HMGCLL1: variants seen among roughly 807,000 people sequenced by gnomAD.
HMGCLL1 encodes the protein 3-hydroxy-3-methylglutaryl-CoA lyase like 1, also known as 3-hydroxymethyl-3-methylglutaryl-CoA lyase, cytoplasmic.
Under a neutral mutation model 39.1 loss-of-function variants are expected in HMGCLL1, and 36 were observed. That is an observed-to-expected ratio of 0.92 (90% CI 0.71 to 1.22). The LOEUF (loss-of-function observed/expected upper bound fraction) is 1.22. Ranked by LOEUF, HMGCLL1 falls within the 50% of genes most tolerant of loss-of-function variation. The pLI is 0.00. For synonymous variants in HMGCLL1, 149 were observed against 144.0 expected, an observed-to-expected ratio of 1.03 and a Z score of -0.25; for missense variants, 451 against 416.5, an observed-to-expected ratio of 1.08 and a Z score of -0.72.
chr6:55,622,656 T>C, the HMGCLL1 span, among the ~76,000 whole-genome samples: 1 of 152,090 alleles, frequency 6.6e-6, no homozygotes. Context: ...TTAAATTTAG[T>C]TTGCTACTGT....
intron 1 of HMGCLL1, among the ~76,000 whole-genome samples, chr6:55,551,881 G>C (rs933729731): frequency 2.0e-5 from 3 of 151,990 alleles, no homozygotes; most frequent in Admixed American, 6.5e-5. Flanking sequence ...ATTCCAATTT[G>C]CTTGGGACAG....
At chr6:55,661,124 C>G in the HMGCLL1 span, among the ~76,000 whole-genome samples, 1 of 151,952 alleles carries the variant, frequency 6.6e-6, no homozygotes, top group East Asian at 1.9e-4. Flanking sequence ...AAACCTTAGT[C>G]AGATGCATAG....
the HMGCLL1 span, among the ~76,000 whole-genome samples, chr6:55,641,804 A>G: frequency 6.6e-6 from 1 of 151,422 alleles, no homozygotes; most frequent in African/African-American, 2.4e-5. Flanking sequence ...GGCTAAAACA[A>G]TCCTTGTAAT....
chr6:55,541,968 T>C, intron 2 of HMGCLL1, 92 bp downstream of exon 2: 1 of 982,404 alleles, frequency 1.0e-6, no homozygotes, highest in South Asian at 1.5e-5. Context: ...AGAAAAAATA[T>C]AATCAGATAA....
At chr6:55,596,755 G>C in the HMGCLL1 span, among the ~76,000 whole-genome samples, 9 of 152,180 alleles carry the variant, frequency 5.9e-5, no homozygotes, top group African/African-American at 2.2e-4. Context: ...TCTCAAATTT[G>C]TTATCAGCAA....
intron 1 of HMGCLL1, among the ~76,000 whole-genome samples, chr6:55,545,212 CAAAAA>C (rs766554353): frequency 1.5e-4 from 3 of 20,570 alleles, no homozygotes; most frequent in African/African-American, 3.4e-4. Flanking sequence ...CAATGTTTGC[CAAAAA>C]AAAAAAAAAA....
At chr6:55,513,967 TATA>T (rs370153394) in intron 5 of HMGCLL1, 78 bp downstream of exon 5, 4 of 1,178,614 alleles carry the variant, frequency 3.4e-6, no homozygotes, top group African/African-American at 3.1e-5. Context: ...TTATAAATGA[TATA>T]AGAATCTCTA....
intron 1 of HMGCLL1, among the ~76,000 whole-genome samples, chr6:55,567,461 T>C (rs561045019): frequency 6.6e-6 from 1 of 152,188 alleles, no homozygotes; most frequent in South Asian, 2.1e-4. Context: ...AAATCATCAA[T>C]CATCTTACTC....
At chr6:55,588,705 A>G in the HMGCLL1 span, among the ~76,000 whole-genome samples, 3 of 152,292 alleles carry the variant, frequency 2.0e-5, no homozygotes, top group Admixed American at 2.0e-4. Flanking sequence ...TAGACTCAAT[A>G]AAAAATGATA....
At chr6:55,569,979 T>C (rs1427047471) in intron 1 of HMGCLL1, among the ~76,000 whole-genome samples, 2 of 152,126 alleles carry the variant, frequency 1.3e-5, no homozygotes, top group Non-Finnish European at 2.9e-5. Context: ...AGCTAGATTC[T>C]TCATGCTACA....
At chr6:55,459,351 G>A (rs1240924458) in intron 7 of HMGCLL1, among the ~76,000 whole-genome samples, 4 of 151,994 alleles carry the variant, frequency 2.6e-5, no homozygotes, top group Non-Finnish European at 5.9e-5. Context: ...AGTTTAAGGG[G>A]GAAGAAAATT....
chr6:55,556,902 G>C (rs1770707435), intron 1 of HMGCLL1, among the ~76,000 whole-genome samples: 1 of 152,136 alleles, frequency 6.6e-6, no homozygotes, highest in South Asian at 2.1e-4. Context: ...CTGGAAGTTT[G>C]ATGTAAAATG....
Position 55,481,884 on chromosome 6 carries a change from A to T in HMGCLL1, c.795+13535T>A, listed in dbSNP as rs12206446. On this transcript the variant is annotated intron_variant, in intron 7 of 8. Coordinates refer to ENST00000274901, the MANE Select transcript of HMGCLL1 (RefSeq NM_001042406.2). Reference sequence around the variant, plus strand: ...AAGCAGTATTAATATTTGCCATAAGATATTTATTTACTAGTGTTCTTTTTC... The same window carrying T: ...AAGCAGTATTAATATTTGCCATAAGTTATTTATTTACTAGTGTTCTTTTTC... Among the ~76,000 whole-genome samples, 1,221 of 151,982 alleles carry T rather than the reference A, an allele frequency of 8.0e-3. 14 individuals carry two copies. The highest frequency in any genetic ancestry group is 0.028 in the African/African-American group (1,152 of 41,462).
At chr6:55,600,401 C>G in the HMGCLL1 span, among the ~76,000 whole-genome samples, 1 of 152,196 alleles carries the variant, frequency 6.6e-6, no homozygotes, top group Admixed American at 6.6e-5. Context: ...CACTTACCAA[C>G]AGGAAAATAA....
the HMGCLL1 span, among the ~76,000 whole-genome samples, chr6:55,611,993 T>C: frequency 7.9e-5 from 12 of 152,128 alleles, no homozygotes; most frequent in Non-Finnish European, 4.4e-5. Context: ...GGTATTCAAA[T>C]AGGAAGAGAG....
chr6:55,599,944 G>A, the HMGCLL1 span, among the ~76,000 whole-genome samples: 1 of 152,126 alleles, frequency 6.6e-6, no homozygotes, highest in Non-Finnish European at 1.5e-5. Context: ...TGGCTATCTT[G>A]TCCATATTCT....
At chr6:55,540,032 G>GGGAGGGAA (rs1769321584) in intron 3 of HMGCLL1, among the ~76,000 whole-genome samples, 1 of 72,920 alleles carries the variant, frequency 1.4e-5, no homozygotes, top group African/African-American at 5.5e-5. Flanking sequence ...GAGGGAGGGA[G>GGGAGGGAA]GGAGGGAGGG....
chr6:55,539,940 AGAAGGAAGGAAG>A (rs753957303), intron 3 of HMGCLL1, among the ~76,000 whole-genome samples: 1,400 of 56,974 alleles, frequency 0.025, 82 homozygotes, highest in Non-Finnish European at 0.033. Context: ...GAGGAGGAGG[AGAAGGAAGGAAG>A]GAAGGAAGGA....
chr6:55,491,860 A>C (rs1766327029), intron 7 of HMGCLL1, among the ~76,000 whole-genome samples: 1 of 152,184 alleles, frequency 6.6e-6, no homozygotes, highest in South Asian at 2.1e-4. Context: ...TCTATATTAA[A>C]TAATATGATA....
Sources: allele counts gnomAD v4.1 joint callset (sites outside exome capture counted in the v4.1 genomes callset), GRCh38; gene constraint gnomAD v4.1.1; transcripts MANE v1.5; gene names NCBI Gene and HGNC (gene_info 2026-07-23, HGNC 2026-07-21).